Variants in COL5A3 observed in about 807,000 individuals in gnomAD.
The protein encoded by COL5A3 is collagen type V alpha 3 chain, also known as collagen alpha-3(V) chain.
Under a neutral mutation model 250.0 loss-of-function variants are expected in COL5A3, and 172 were observed. The observed-to-expected ratio is 0.69, with a 90% CI of 0.61 to 0.78. The LOEUF is 0.78. Among genes scored for constraint, COL5A3 ranks in the 30% least tolerant of loss-of-function variants. The pLI is 0.00. For synonymous variants in COL5A3, 937 were observed against 900.4 expected (o/e 1.04, Z -0.73); for missense variants, 2,340 against 2,334.4 (o/e 1.00, Z -0.05).
At chr19:9,961,384 G>C (rs936265198) in intron 65 of COL5A3, among the ~76,000 whole-genome samples, 2 of 151,942 alleles carry the variant, frequency 1.3e-5, no homozygotes, top group African/African-American at 4.8e-5. Flanking sequence ...GGGGGGTAAG[G>C]GTTGGGATCT....
In COL5A3 at chr19:9,997,206, A is replaced by G. The variant is rs940324710; in HGVS notation, c.1263+165T>C. On this transcript the variant is annotated intron_variant, in intron 11 of 66. Transcript: ENST00000264828. ...AGGCCCCAGCAACACAAGGTGAACC[A>G]GAGAAATAGTTCACAGATGGGAGAC... 1.0e-5 allele frequency: 7 copies of G among 669,874 alleles called. No individual in the cohort carries two copies. The Admixed American group carries it at 1.4e-4, about 13-fold the overall frequency. 41.5% of individuals were successfully genotyped at this position (669,874 alleles called of 1,614,324 possible). A position where few individuals can be genotyped will look rare whatever the true frequency, so the allele number is the denominator to read the frequency against.
intron 61 of COL5A3, 68 bp from the exon 62 acceptor site, chr19:9,967,468 A>C (rs571702457): frequency 1.3e-5 from 13 of 997,954 alleles, no homozygotes; most frequent in Non-Finnish European, 1.9e-5. Flanking sequence ...CATACACACA[A>C]ACACACACAC....
chr19:9,981,566 C>G (rs1451948512), intron 32 of COL5A3, among the ~76,000 whole-genome samples: 2 of 152,172 alleles, frequency 1.3e-5, no homozygotes, highest in East Asian at 3.8e-4. Flanking sequence ...GTAAGCACAG[C>G]AGTATACATA....
intron 53 of COL5A3, 97 bp downstream of exon 53, chr19:9,970,878 G>T: frequency 8.2e-7 from 1 of 1,215,988 alleles, no homozygotes; most frequent in East Asian, 2.7e-5. Context: ...AGGGGCCTTG[G>T]GTACCCCACT....
chr19:9,972,311 GTTCATCCATTCACTCA>G (rs2086861129), intron 51 of COL5A3, among the ~76,000 whole-genome samples: 7 of 42,072 alleles, frequency 1.7e-4, no homozygotes, highest in African/African-American at 1.7e-3. Flanking sequence ...TCATTCACTC[GTTCATCCATTCACTCA>G]CTCGTTCATC....
In COL5A3 at chr19:9,997,859, C is replaced by T. The variant is rs545007356; in HGVS notation, c.1200+125G>A. The T allele has an allele frequency of 3.9e-5, 38 of 964,496 alleles. No homozygotes were observed. In the East Asian group the frequency reaches 9.1e-4, roughly 23 times the overall value. The allele number at this position is 964,496 out of a possible 1,614,324, so 59.7% of individuals were successfully genotyped here. ...TCCCTATTTTGACTCACCCTTTAAG[C>T]CTCAAATGTCCACTACCCTCCACTT... On this transcript the variant is annotated intron_variant, in intron 10 of 66. Coordinates refer to ENST00000264828, the MANE Select transcript of COL5A3 (RefSeq NM_015719.4).
rs886525451 is a variant in COL5A3, at chr19:10,009,503, C to T, written c.88+795G>A. ...GCAGCTGGGGTGGGGAGGGGGGGAGCAACTTCCACTCCTGCCCCGCCCTGC... is the reference window on the plus strand; with the variant it reads ...GCAGCTGGGGTGGGGAGGGGGGGAGTAACTTCCACTCCTGCCCCGCCCTGC... On this transcript the variant is annotated intron_variant, in intron 1 of 66. Coordinates refer to ENST00000264828, the MANE Select transcript of COL5A3 (RefSeq NM_015719.4). This position sits in a 1 kb window ranked among gnomAD's most constrained non-coding sequence, Gnocchi z 4.4. Among the ~76,000 whole-genome samples the T allele has an allele frequency of 3.3e-5, 5 of 152,090 alleles. No individual in the cohort carries two copies. Among genetic ancestry groups the T allele is most frequent in the Non-Finnish European group, 5.9e-5 (4 of 67,946 alleles).
intron 65 of COL5A3, among the ~76,000 whole-genome samples, chr19:9,961,367 CT>C (rs1422561889): frequency 1.3e-5 from 2 of 151,310 alleles, no homozygotes; most frequent in African/African-American, 4.9e-5. Context: ...ATTTTTTTTC[CT>C]TTTTTGGGGG....
In COL5A3 at chr19:9,997,363, T is replaced by C. The variant is rs753416257; in HGVS notation, c.1263+8A>G. 1.2e-6 allele frequency: 2 copies of C among 1,603,522 alleles called. No individual in the cohort carries two copies. Among genetic ancestry groups the C allele is most frequent in the Admixed American group, 3.4e-5 (2 of 59,132 alleles). On this transcript the variant is annotated splice_region_variant and intron_variant, in intron 11 of 66. Coordinates refer to ENST00000264828, the MANE Select transcript of COL5A3 (RefSeq NM_015719.4). Reference sequence around the variant, plus strand: ...TGAGAAGTGTACACCCCAGTGGGAGTCTCTTACCGGTGGACCAGGGTCGCC... The same window carrying C: ...TGAGAAGTGTACACCCCAGTGGGAGCCTCTTACCGGTGGACCAGGGTCGCC...
In COL5A3 at chr19:10,005,653, C is replaced by G. The variant is rs775506414; in HGVS notation, c.499G>C (p.Ala167Pro). 51 of 1,614,046 alleles carry G rather than the reference C, an allele frequency of 3.2e-5. No individual in the cohort carries two copies. The highest frequency in any genetic ancestry group is 4.3e-5 in the Non-Finnish European group (51 of 1,179,958). ...EMVTLVADCE[A>P]QPPVLGHGPR... ...CCATGGCCCAAAACAGGGGGCTGAG[C>G]TTCACAGTCAGCTACCAGGGTCACC... The change falls in exon 4 of 67, where the codon GCT becomes CCT. Residue 167 changes from alanine to proline, a missense_variant. Physicochemically the swap from Ala to Pro is conservative, Grantham distance 27. Transcript: ENST00000264828.
chr19:9,963,720 A>G (rs1281363274), intron 64 of COL5A3, among the ~76,000 whole-genome samples: 3 of 152,084 alleles, frequency 2.0e-5, no homozygotes, highest in African/African-American at 7.2e-5. Context: ...CTTTAGGCTA[A>G]GCAGGTGAGT....
chr19:9,978,753 G>A, intron 40 of COL5A3, 126 bp from the exon 41 acceptor site: 4 of 905,248 alleles, frequency 4.4e-6, no homozygotes, highest in Middle Eastern at 2.3e-4. Context: ...TGAGGGGTCT[G>A]CCTTCCCCAG....
At chr19:9,989,590 C>T (rs535125058) in intron 24 of COL5A3, 68 bp from the exon 25 acceptor site, 232 of 1,385,128 alleles carry the variant, frequency 1.7e-4, no homozygotes, top group South Asian at 4.2e-4. Context: ...CTAGGATCTA[C>T]GCAGACATGC....
At chr19:9,987,488 A>G (rs1002138539) in intron 27 of COL5A3, among the ~76,000 whole-genome samples, 1 of 152,082 alleles carries the variant, frequency 6.6e-6, no homozygotes, top group African/African-American at 2.4e-5. Context: ...TGTAATCCCA[A>G]CATTTTGGGA....
intron 24 of COL5A3, among the ~76,000 whole-genome samples, chr19:9,991,093 T>G (rs1222615803): frequency 1.3e-5 from 2 of 151,816 alleles, no homozygotes; most frequent in Non-Finnish European, 2.9e-5. Context: ...AAAAGAAAAA[T>G]TAGCCAGGCA....
Position 10,005,731 on chromosome 19 carries a change from T to A in COL5A3, c.438-17A>T. 1.2e-6 allele frequency: 2 copies of A among 1,601,602 alleles called. No homozygotes were observed. The highest frequency in any genetic ancestry group is 2.2e-5 in the South Asian group (2 of 89,776). On this transcript the variant is annotated splice_polypyrimidine_tract_variant and intron_variant, in intron 3 of 66. Coordinates refer to ENST00000264828, the MANE Select transcript of COL5A3 (RefSeq NM_015719.4). Reference sequence around the variant, plus strand: ...CGGTGCCACCTGCAAGGGGACGGCCTCAGTGCGGGTGCTTCTCACCCCACC... The same window carrying A: ...CGGTGCCACCTGCAAGGGGACGGCCACAGTGCGGGTGCTTCTCACCCCACC...
intron 26 of COL5A3, 27 bp downstream of exon 26, chr19:9,989,283 CCCTCGTCCCCAA>C (rs1568422829): frequency 1.2e-6 from 2 of 1,613,794 alleles, no homozygotes; most frequent in East Asian, 4.5e-5. Flanking sequence ...TGCCTCCCGA[CCCTCGTCCCCAA>C]CCCAGCCTAA....
intron 8 of COL5A3, 115 bp from the exon 9 acceptor site, chr19:9,998,264 C>T: frequency 1.9e-6 from 2 of 1,039,218 alleles, no homozygotes; most frequent in Non-Finnish European, 2.8e-6. Context: ...ACACGGAGTC[C>T]ACCCTCAGAG....
Position 9,996,396 on chromosome 19 carries a change from T to G in COL5A3, c.1422+37A>C, listed in dbSNP as rs1384321472. The G allele has an allele frequency of 1.9e-6, 3 of 1,608,350 alleles. No individual in the cohort carries two copies. The East Asian group carries it at 6.7e-5, about 36-fold the overall frequency. On this transcript the variant is annotated intron_variant, in intron 13 of 66. Coordinates refer to ENST00000264828, the MANE Select transcript of COL5A3 (RefSeq NM_015719.4). ...CTTACGCCGAGGCTCTATCACTCTC[T>G]GGGGTTCCTCCCACTATGTCCACAC...
Sources: gnomAD v4.1 joint callset for allele counts (sites outside exome capture counted in the v4.1 genomes callset) on GRCh38, gnomAD v4.1.1 for gene constraint, Gnocchi (gnomAD v3.1) non-coding constraint, MANE v1.5 for transcripts, NCBI Gene and HGNC (gene_info 2026-07-23, HGNC 2026-07-21) for gene names.